Variants in SMARCA2 observed in about 807,000 individuals in gnomAD.
SMARCA2 encodes the protein SWI/SNF related BAF chromatin remodeling complex subunit ATPase 2, also known as SWI/SNF-related matrix-associated actin-dependent regulator of chromatin subfamily A member 2.
A neutral mutation model predicts 199.8 loss-of-function variants in SMARCA2; 61 were observed. The observed-to-expected ratio is 0.31, with a 90% CI of 0.25 to 0.38. SMARCA2 has a LOEUF of 0.38. Ranked by LOEUF, SMARCA2 falls within the 10% of genes least tolerant of loss-of-function variation. The pLI is 1.00. For synonymous variants in SMARCA2, 935 were observed against 732.0 expected (o/e 1.28, Z -4.48); for missense variants, 1,344 against 2,012.2 (o/e 0.67, Z 6.35).
At chr9:2,091,840 C>G (rs1170975388) in intron 19 of SMARCA2, among the ~76,000 whole-genome samples, 4 of 152,170 alleles carry the variant, frequency 2.6e-5, no homozygotes, top group Non-Finnish European at 5.9e-5. Context: ...TTGGCATTCT[C>G]TAATGTCTAA....
intron 27 of SMARCA2, among the ~76,000 whole-genome samples, chr9:2,150,376 C>T (rs534610216): frequency 1.3e-5 from 2 of 151,712 alleles, no homozygotes; most frequent in East Asian, 3.9e-4. Context: ...CATGCCAGGC[C>T]CCACACAAGC....
intron 27 of SMARCA2, among the ~76,000 whole-genome samples, chr9:2,129,016 A>G (rs1823819384): frequency 1.3e-5 from 2 of 152,150 alleles, no homozygotes; most frequent in Non-Finnish European, 2.9e-5. Context: ...ACTGACTACA[A>G]ATTCAGGGGC....
intron 27 of SMARCA2, among the ~76,000 whole-genome samples, chr9:2,136,344 C>T (rs1235979851): frequency 1.3e-5 from 2 of 151,904 alleles, no homozygotes; most frequent in African/African-American, 2.4e-5. Context: ...CGTGCCACCA[C>T]CCCTGGCTAA....
chr9:2,189,712 A>AATAG (rs1012594176), intron 32 of SMARCA2, among the ~76,000 whole-genome samples: 1 of 152,098 alleles, frequency 6.6e-6, no homozygotes, highest in African/African-American at 2.4e-5. Context: ...CAGTGGGTAT[A>AATAG]ATAGATAGAA....
chr9:2,148,324 A>G lies in SMARCA2; in HGVS notation c.3982-13362A>G, dbSNP rs1441906436. 2.0e-5 allele frequency among the ~76,000 whole-genome samples: 3 copies of G among 151,662 alleles called. 1 individual carries two copies. The highest frequency in any genetic ancestry group is 4.4e-5 in the Non-Finnish European group (3 of 67,742). ...CCAAATGGCAAGAGCAGAGTGGCCT[A>G]GACAAGGAAGGTCTGTGCAGTAGGC... On this transcript the variant is annotated intron_variant, in intron 27 of 33. Transcript: ENST00000349721.
intron 27 of SMARCA2, among the ~76,000 whole-genome samples, chr9:2,138,340 A>G (rs1307158682): frequency 6.7e-6 from 1 of 148,268 alleles, no homozygotes; most frequent in Non-Finnish European, 1.5e-5. Context: ...TGTCAGAATC[A>G]TGGAAAATTG....
intron 21 of SMARCA2, among the ~76,000 whole-genome samples, chr9:2,098,947 CAAA>C (rs773551875): frequency 3.4e-5 from 3 of 89,018 alleles, no homozygotes; most frequent in Non-Finnish European, 2.3e-5. Flanking sequence ...AACTCGGTCT[CAAA>C]AAAAAAAAAA....
chr9:2,082,627 C>T (rs539917524), intron 15 of SMARCA2, among the ~76,000 whole-genome samples: 2 of 152,152 alleles, frequency 1.3e-5, no homozygotes, highest in Non-Finnish European at 2.9e-5. Flanking sequence ...CACAAGCACC[C>T]TCCTGGGAGT....
chr9:2,092,231 G>A (rs1822092744), intron 19 of SMARCA2, among the ~76,000 whole-genome samples: 1 of 152,122 alleles, frequency 6.6e-6, no homozygotes, highest in Non-Finnish European at 1.5e-5. Flanking sequence ...GTCTAAATAT[G>A]CTAAAATATG....
intron 2 of SMARCA2, among the ~76,000 whole-genome samples, chr9:2,029,744 T>A (rs1465541908): frequency 6.6e-6 from 1 of 152,244 alleles, no homozygotes; most frequent in African/African-American, 2.4e-5. Flanking sequence ...TAGGGAATCC[T>A]TAAAATGCAC....
In SMARCA2 at chr9:2,158,810, A is replaced by G. The variant is rs893262527; in HGVS notation, c.3982-2876A>G. 1.1e-5 allele frequency: 8 copies of G among 707,304 alleles called. No individual in the cohort carries two copies. The African/African-American group carries it at 1.5e-4, about 13-fold the overall frequency. The allele number at this position is 707,304 out of a possible 1,614,324, so 43.8% of individuals were successfully genotyped here. ...ATCTTACTCTACTCTTTATGTGCGA[A>G]AAGCATTGGGAAGTGTTTAGTGAAT... On this transcript the variant is annotated intron_variant, in intron 27 of 33. Transcript: ENST00000349721.
chr9:2,040,065 C>G, intron 4 of SMARCA2, 165 bp downstream of exon 4: 1 of 1,327,990 alleles, frequency 7.5e-7, no homozygotes, highest in Non-Finnish European at 1.0e-6. Context: ...GATTCTTGGT[C>G]TTCCCCTGCT....
At chr9:2,087,137 G>A (rs1411624410) in intron 18 of SMARCA2, 66 bp downstream of exon 18, 2 of 1,580,390 alleles carry the variant, frequency 1.3e-6, no homozygotes, top group Non-Finnish European at 1.7e-6. Context: ...CCCTAAAGCT[G>A]AGAACATTAG....
At chr9:2,095,948 C>T (rs10811418) in intron 19 of SMARCA2, among the ~76,000 whole-genome samples, 9,027 of 152,164 alleles carry the variant, frequency 0.059, 320 homozygotes, top group Middle Eastern at 0.085. Flanking sequence ...TGATAAAGTA[C>T]GCAGGTGTGT....
At chr9:2,145,778 C>A (rs1040549499) in intron 27 of SMARCA2, among the ~76,000 whole-genome samples, 1 of 152,164 alleles carries the variant, frequency 6.6e-6, no homozygotes, top group African/African-American at 2.4e-5. Context: ...TCCCTCATTA[C>A]TGTGCTATGT....
At chr9:2,082,309 GTGTGTGTGTGT>G (rs1821601994) in intron 15 of SMARCA2, among the ~76,000 whole-genome samples, 2 of 35,412 alleles carry the variant, frequency 5.6e-5, no homozygotes, top group East Asian at 7.9e-4. Flanking sequence ...GGGGAAAGGT[GTGTGTGTGTGT>G]GTGTGTGTGT....
Position 2,084,085 on chromosome 9 carries a change from G to T in SMARCA2, c.2416-1G>T. ...GCATGTATTTTTTTCTTTCCATTCA[G>T]GGTACTCCTGCCATGCGTCGCTCCC... On this transcript the variant is annotated splice_acceptor_variant, in intron 16 of 33. Coordinates refer to ENST00000349721, the MANE Select transcript of SMARCA2 (RefSeq NM_003070.5). LOFTEE classifies it high-confidence loss of function. The T allele has an allele frequency of 6.3e-7, 1 of 1,584,236 alleles. No individual in the cohort carries two copies. Among genetic ancestry groups the T allele is most frequent in the African/African-American group, 1.3e-5 (1 of 74,400 alleles).
chr9:2,184,160 C>T (rs1477058162), intron 31 of SMARCA2, among the ~76,000 whole-genome samples: 2 of 152,122 alleles, frequency 1.3e-5, no homozygotes, highest in Admixed American at 6.5e-5. Flanking sequence ...TTAGCTTCAT[C>T]TGCTACTCCT....
chr9:2,149,994 C>A (rs1370471054), intron 27 of SMARCA2, among the ~76,000 whole-genome samples: 2 of 151,536 alleles, frequency 1.3e-5, no homozygotes, highest in East Asian at 3.8e-4. Flanking sequence ...CACTCCTCTA[C>A]TGACACTCTA....
Sources: gnomAD v4.1 joint callset for allele counts (sites outside exome capture counted in the v4.1 genomes callset) on GRCh38, gnomAD v4.1.1 for gene constraint, MANE v1.5 for transcripts, NCBI Gene and HGNC (gene_info 2026-07-23, HGNC 2026-07-21) for gene names.